The following NELL2 variants were observed in gnomAD, a reference collection of about 807,000 sequenced individuals.
NELL2 encodes the protein protein kinase C-binding protein NELL2.
Under a neutral mutation model 109.6 loss-of-function variants are expected in NELL2, and 41 were observed. That is an observed-to-expected ratio of 0.37 (90% CI 0.29 to 0.49). The LOEUF (loss-of-function observed/expected upper bound fraction) is 0.49. Ranked by LOEUF, NELL2 falls within the 20% of genes least tolerant of loss-of-function variation. The pLI is 0.98. For synonymous variants in NELL2, 355 were observed against 344.7 expected (o/e 1.03, Z -0.33); for missense variants, 900 against 1,008.3 (o/e 0.89, Z 1.45).
chr12:44,914,116 C>T (rs11182742), upstream of NELL2: 129 of 176,282 alleles, frequency 7.3e-4, no homozygotes, highest in East Asian at 0.022. Flanking sequence ...TTCAGTCTAT[C>T]CTCAAAATAG....
At chr12:44,842,028 G>A (rs1377624379) in intron 2 of NELL2, among the ~76,000 whole-genome samples, 1 of 143,210 alleles carries the variant, frequency 7.0e-6, no homozygotes, top group Non-Finnish European at 1.5e-5. Flanking sequence ...GCTTACAATA[G>A]CCAAAACAAC....
intron 13 of NELL2, among the ~76,000 whole-genome samples, chr12:44,619,551 G>A (rs1945968010): frequency 6.6e-6 from 1 of 151,988 alleles, no homozygotes; most frequent in African/African-American, 2.4e-5. Context: ...ATTCGAGTTA[G>A]ATTATTACTG....
At chr12:44,778,161 A>C (rs925092203) in intron 5 of NELL2, among the ~76,000 whole-genome samples, 2 of 152,192 alleles carry the variant, frequency 1.3e-5, no homozygotes, top group African/African-American at 4.8e-5. Flanking sequence ...TGCAAACAAA[A>C]TATCTAATGA....
chr12:44,726,416 C>T (rs559027645), intron 9 of NELL2, among the ~76,000 whole-genome samples: 5 of 151,934 alleles, frequency 3.3e-5, no homozygotes, highest in East Asian at 1.9e-4. Context: ...CAATGGGCTT[C>T]GCTTTCTAGT....
At chr12:44,753,703 T>TATA in intron 9 of NELL2, among the ~76,000 whole-genome samples, 1 of 152,344 alleles carries the variant, frequency 6.6e-6, no homozygotes, top group African/African-American at 2.4e-5. Context: ...ATAATCTGTA[T>TATA]ATATAAAATG....
intron 13 of NELL2, among the ~76,000 whole-genome samples, chr12:44,640,499 A>T (rs1334441451): frequency 6.6e-6 from 1 of 152,246 alleles, no homozygotes; most frequent in Non-Finnish European, 1.5e-5. Context: ...TTAATAAACA[A>T]CCATACTAAC....
At chr12:44,818,725 A>ATTTTTTTTTTT (rs1409987918) in intron 2 of NELL2, among the ~76,000 whole-genome samples, 3 of 72,178 alleles carry the variant, frequency 4.2e-5, no homozygotes, top group Non-Finnish European at 7.6e-5. Context: ...TTGTTCACTT[A>ATTTTTTTTTTT]TTTTTTTTTT....
At chr12:44,532,836 A>C in intron 15 of NELL2, 115 bp from the exon 16 acceptor site, 1 of 913,636 alleles carries the variant, frequency 1.1e-6, no homozygotes, top group Non-Finnish European at 1.6e-6. Context: ...AAACTGGGAA[A>C]ATATAAAATT....
chr12:44,577,669 G>A (rs975130219), intron 15 of NELL2, among the ~76,000 whole-genome samples: 4 of 151,598 alleles, frequency 2.6e-5, no homozygotes, highest in African/African-American at 9.7e-5. Flanking sequence ...TAGTAGAGAT[G>A]GGGTTTCACC....
At chr12:44,538,427 A>C (rs1436692403) in intron 15 of NELL2, among the ~76,000 whole-genome samples, 1 of 152,226 alleles carries the variant, frequency 6.6e-6, no homozygotes, top group East Asian at 1.9e-4. Flanking sequence ...ATAATCCTTC[A>C]GAGTTTACAA....
chr12:44,612,028 C>G (rs1945641207), intron 13 of NELL2, among the ~76,000 whole-genome samples: 1 of 151,924 alleles, frequency 6.6e-6, no homozygotes, highest in African/African-American at 2.4e-5. Flanking sequence ...ATTGATTGAG[C>G]CATTAATTTC....
At chr12:44,905,547 T>C (rs1347556663) in intron 1 of NELL2, among the ~76,000 whole-genome samples, 4 of 152,098 alleles carry the variant, frequency 2.6e-5, no homozygotes, top group African/African-American at 7.2e-5. Flanking sequence ...AGCAAAAACA[T>C]AAGCATGGGA....
intron 13 of NELL2, among the ~76,000 whole-genome samples, chr12:44,612,765 T>C (rs576107233): frequency 3.7e-4 from 57 of 152,172 alleles, no homozygotes; most frequent in African/African-American, 1.3e-3. Flanking sequence ...TGGACAGCCG[T>C]AGGCCCTTAA....
At chr12:44,672,131 G>A (rs374477432) in intron 12 of NELL2, among the ~76,000 whole-genome samples, 12 of 152,146 alleles carry the variant, frequency 7.9e-5, no homozygotes, top group East Asian at 3.9e-4. Context: ...TGGAGCAAAC[G>A]TTAATTACAT....
chr12:44,762,592 T>G (rs1941172004), intron 9 of NELL2, among the ~76,000 whole-genome samples: 1 of 152,226 alleles, frequency 6.6e-6, no homozygotes, highest in Non-Finnish European at 1.5e-5. Flanking sequence ...CCTCTTCAGC[T>G]GAAACTCATA....
At chr12:44,549,154 A>G (rs907318604) in intron 15 of NELL2, among the ~76,000 whole-genome samples, 1 of 152,240 alleles carries the variant, frequency 6.6e-6, no homozygotes, top group Non-Finnish European at 1.5e-5. Context: ...CCTGTTAATA[A>G]GACAAATTCC....
chr12:44,791,655 G>A (rs886654820), intron 3 of NELL2, among the ~76,000 whole-genome samples: 1 of 151,980 alleles, frequency 6.6e-6, no homozygotes, highest in East Asian at 1.9e-4. Flanking sequence ...AAAAATAGTG[G>A]AGCTGGAGCT....
intron 9 of NELL2, among the ~76,000 whole-genome samples, chr12:44,755,341 G>A (rs533304342): frequency 3.8e-4 from 58 of 152,102 alleles, no homozygotes; most frequent in Admixed American, 2.9e-3. Flanking sequence ...TCAGGTTCCC[G>A]TCATTAAATT....
Position 44,523,486 on chromosome 12 carries a change from T to C in NELL2, c.1805-2A>G. 1 of 1,612,590 alleles carries C rather than the reference T, an allele frequency of 6.2e-7. No individual in the cohort carries two copies. The highest frequency in any genetic ancestry group is 8.5e-7 in the Non-Finnish European group (1 of 1,179,892). On this transcript the variant is annotated splice_acceptor_variant, in intron 16 of 19. Coordinates refer to ENST00000429094, the MANE Select transcript of NELL2 (RefSeq NM_001145108.2). LOFTEE classifies it high-confidence loss of function. ...TCCCGGTCCCACACTCATCAATATC[T>C]ATAGACAAGAAAAAGCAGCACTCAA...
Sources: gnomAD v4.1 joint callset for allele counts (sites outside exome capture counted in the v4.1 genomes callset) on GRCh38, gnomAD v4.1.1 for gene constraint, MANE v1.5 for transcripts, NCBI Gene and HGNC (gene_info 2026-07-23, HGNC 2026-07-21) for gene names.